The following AGR3 variants were observed in gnomAD, a reference collection of about 807,000 sequenced individuals.
AGR3 encodes the protein anterior gradient protein 3.
AGR3 carries 37 observed loss-of-function variants against 24.5 expected under a neutral mutation model. The observed-to-expected ratio is 1.51, with a 90% confidence interval of 1.16 to 1.99. The LOEUF (loss-of-function observed/expected upper bound fraction) is 1.99, where lower values mean the gene tolerates loss of function less well. Ranked by LOEUF, AGR3 falls within the 30% of genes most tolerant of loss-of-function variation. The pLI, the probability that AGR3 is intolerant of heterozygous loss-of-function variation, is 0.00. For synonymous variants in AGR3, 75 were observed against 61.6 expected (o/e 1.22, Z -1.02); for missense variants, 228 against 191.1 (o/e 1.19, Z -1.14).
At chr7:16,875,543 C>G (rs901196554) in intron 2 of AGR3, among the ~76,000 whole-genome samples, 1 of 151,750 alleles carries the variant, frequency 6.6e-6, no homozygotes, top group African/African-American at 2.4e-5. Flanking sequence ...CACTTTTTGT[C>G]TTTTATGAAT....
intron 3 of AGR3, among the ~76,000 whole-genome samples, chr7:16,867,948 T>C (rs1781789599): frequency 6.6e-6 from 1 of 152,190 alleles, no homozygotes; most frequent in East Asian, 1.9e-4. Context: ...CATTATGCTT[T>C]CCATAATGGC....
intron 3 of AGR3, among the ~76,000 whole-genome samples, chr7:16,866,559 C>G (rs1232748667): frequency 1.3e-5 from 2 of 152,036 alleles, no homozygotes; most frequent in Non-Finnish European, 2.9e-5. Flanking sequence ...GAAGCTGTAC[C>G]AATTCATATT....
chr7:16,860,563 C>T lies in AGR3; in HGVS notation c.388G>A (p.Ala130Thr). The change falls in exon 7 of 8, where the codon GCT (alanine) becomes ACT (threonine). Residue 130 changes from alanine (A) to threonine (T), a missense_variant. Transcript: ENST00000310398. ...MFVDPSLTVRADIAGRYSNRL... is the reference protein window; with the variant it reads ...MFVDPSLTVRTDIAGRYSNRL... ...TTAGAGTATCTTCCAGCTATGTCAG[C>T]TCTAACTGTTAAAGAAGGGTCTGTC... 6.2e-7 allele frequency: 1 copy of T among 1,613,428 alleles called. No homozygotes were observed. The highest frequency in any genetic ancestry group is 8.5e-7 in the Non-Finnish European group (1 of 1,179,600).
chr7:16,873,184 A>T (rs535667701), intron 3 of AGR3, among the ~76,000 whole-genome samples: 1 of 152,332 alleles, frequency 6.6e-6, no homozygotes, highest in South Asian at 2.1e-4. Context: ...CAAGATATAG[A>T]ATCAACCTAA....
chr7:16,867,935 A>G (rs770415178), intron 3 of AGR3, among the ~76,000 whole-genome samples: 4 of 152,270 alleles, frequency 2.6e-5, no homozygotes, highest in East Asian at 1.9e-4. Context: ...AGTAATCTCT[A>G]TACATTATGC....
intron 7 of AGR3, 75 bp from the exon 8 acceptor site, chr7:16,859,706 C>G: frequency 1.0e-6 from 1 of 974,578 alleles, no homozygotes. Context: ...AACTCTAGAA[C>G]CTGAAATTGG....
In AGR3 at chr7:16,864,848, A is replaced by G. The variant is rs1367191568; in HGVS notation, c.174-2186T>C. 4 of 868,496 alleles carry G rather than the reference A, an allele frequency of 4.6e-6. No individual in the cohort carries two copies. In the East Asian group the frequency reaches 9.6e-5, roughly 21 times the overall value. The allele number at this position is 868,496 out of a possible 1,614,324, so 53.8% of individuals were successfully genotyped here. A position where few individuals can be genotyped will look rare whatever the true frequency, so the allele number is the denominator to read the frequency against. ...GATGTCCTATATTTCCTGAGTAAAG[A>G]GCGTGTATTCCAGTCACCACTGAGG... On this transcript the variant is annotated intron_variant, in intron 3 of 7. Coordinates refer to ENST00000310398, the MANE Select transcript of AGR3 (RefSeq NM_176813.5).
intron 3 of AGR3, chr7:16,865,883 C>G: frequency 1.4e-6 from 1 of 727,238 alleles, no homozygotes; most frequent in Admixed American, 1.9e-5. Context: ...CGTTGTCTTT[C>G]CACATCCAGG....
intron 2 of AGR3, among the ~76,000 whole-genome samples, chr7:16,876,857 G>C (rs953049639): frequency 1.8e-4 from 28 of 152,310 alleles, no homozygotes; most frequent in African/African-American, 6.3e-4. Context: ...GAATGTTGAT[G>C]CCTTGACGTA....
chr7:16,857,444 T>A (rs1307991482), downstream of AGR3, among the ~76,000 whole-genome samples: 8 of 152,170 alleles, frequency 5.3e-5, no homozygotes, highest in Admixed American at 2.0e-4. Flanking sequence ...TTAAAAAAAC[T>A]AAATTGTCAG....
At chr7:16,862,874 T>G (rs1474354451) in intron 3 of AGR3, among the ~76,000 whole-genome samples, 2 of 152,180 alleles carry the variant, frequency 1.3e-5, no homozygotes, top group African/African-American at 4.8e-5. Context: ...ATTAGGAATT[T>G]AAATTCAAAG....
chr7:16,871,916 C>T (rs1045112215), intron 3 of AGR3, among the ~76,000 whole-genome samples: 2 of 152,056 alleles, frequency 1.3e-5, no homozygotes, highest in African/African-American at 4.8e-5. Context: ...AAGATCCCTA[C>T]AAGAAAAACT....
intron 2 of AGR3, among the ~76,000 whole-genome samples, chr7:16,876,565 CT>C (rs1159381744): frequency 6.6e-6 from 1 of 152,092 alleles, no homozygotes; most frequent in Non-Finnish European, 1.5e-5. Flanking sequence ...TGTATCCAGA[CT>C]TCTCCCACTC....
intron 2 of AGR3, among the ~76,000 whole-genome samples, chr7:16,874,059 C>T (rs779182836): frequency 1.1e-4 from 16 of 152,158 alleles, no homozygotes; most frequent in South Asian, 2.1e-4. Context: ...TTTCAAACCT[C>T]GAGGCCCATG....
chr7:16,881,980 G>A lies in AGR3; in HGVS notation c.-64C>T. 2.1e-6 allele frequency: 1 copy of A among 470,904 alleles called. No individual in the cohort carries two copies. The highest frequency in any genetic ancestry group is 1.5e-5 in the South Asian group (1 of 64,556). The allele number at this position is 470,904 out of a possible 1,614,324, so 29.2% of individuals were successfully genotyped here. On this transcript the variant is annotated 5_prime_UTR_variant, in exon 1 of 8. Coordinates refer to ENST00000310398, the MANE Select transcript of AGR3 (RefSeq NM_176813.5). The stretch of plus-strand genomic sequence containing the variant: ...AGTGCTCTTGTTGGAAATGTATTCT[G>A]GATGTTTCTGGTTAAAAATGGGTGT...
intron 7 of AGR3, 60 bp downstream of exon 7, chr7:16,860,440 C>G: frequency 7.7e-7 from 1 of 1,290,852 alleles, no homozygotes; most frequent in Admixed American, 1.7e-5. Context: ...TTCACTAGCC[C>G]TTAACAAATA....
At chr7:16,860,447 A>G (rs1383684262) in intron 7 of AGR3, 53 bp downstream of exon 7, 2 of 1,343,384 alleles carry the variant, frequency 1.5e-6, no homozygotes, top group Admixed American at 1.7e-5. Context: ...GCCCTTAACA[A>G]ATAGTCAGGG....
downstream of AGR3, among the ~76,000 whole-genome samples, chr7:16,857,441 A>T (rs180993403): frequency 7.9e-5 from 12 of 152,294 alleles, no homozygotes; most frequent in African/African-American, 2.2e-4. Context: ...TTCTTAAAAA[A>T]ACTAAATTGT....
intron 3 of AGR3, among the ~76,000 whole-genome samples, chr7:16,869,039 T>C (rs942310920): frequency 6.6e-6 from 1 of 152,232 alleles, no homozygotes; most frequent in African/African-American, 2.4e-5. Context: ...TTAAATGCTC[T>C]GTATATGTTT....
Sources: allele counts gnomAD v4.1 joint callset (sites outside exome capture counted in the v4.1 genomes callset), GRCh38; gene constraint gnomAD v4.1.1; transcripts MANE v1.5; gene names NCBI Gene and HGNC (gene_info 2026-07-23, HGNC 2026-07-21).